NRXN1: variants seen among roughly 807,000 people sequenced by gnomAD.
NRXN1 encodes neurexin 1, also known as neurexin-1.
NRXN1 carries 39 observed loss-of-function variants against 150.9 expected under a neutral mutation model. The ratio of observed to expected loss-of-function variants is 0.26; its 90% CI spans 0.20 to 0.34. The LOEUF is 0.34. NRXN1 is among the 10% of genes least tolerant of loss of function. The pLI, the probability that NRXN1 is intolerant of heterozygous loss-of-function variation, is 1.00. For synonymous variants in NRXN1, 924 were observed against 757.0 expected (o/e 1.22, Z -3.62); for missense variants, 1,815 against 1,949.9 (o/e 0.93, Z 1.30).
At chr2:50,261,079 T>A (rs2068221864) in intron 17 of NRXN1, among the ~76,000 whole-genome samples, 1 of 151,754 alleles carries the variant, frequency 6.6e-6, no homozygotes, top group Non-Finnish European at 1.5e-5. Flanking sequence ...TGATTTCAGA[T>A]CATGTAGAGA....
rs149472024 is a variant in NRXN1, at chr2:50,231,047, C to T, written c.3546+5742G>A. Among the ~76,000 whole-genome samples, 924 of 151,856 alleles carry T rather than the reference C, an allele frequency of 6.1e-3. 5 individuals are homozygous for T. Among genetic ancestry groups the T allele is most frequent in the Non-Finnish European group, 7.9e-3 (534 of 67,928 alleles). Reference sequence around the variant, plus strand: ...GAATTAGGAAAGCTACCTCGTGATACGGCAATAGAAAAAATAAATAAATGA... The same window carrying T: ...GAATTAGGAAAGCTACCTCGTGATATGGCAATAGAAAAAATAAATAAATGA... On this transcript the variant is annotated intron_variant, in intron 18 of 22. Coordinates refer to ENST00000401669, the MANE Select transcript of NRXN1 (RefSeq NM_001330078.2).
intron 18 of NRXN1, among the ~76,000 whole-genome samples, chr2:50,142,854 A>G (rs890711431): frequency 2.0e-5 from 3 of 151,868 alleles, no homozygotes; most frequent in East Asian, 3.9e-4. Context: ...AAAAGCAAGA[A>G]GGTGAGAATA....
At chr2:50,984,990 C>G (rs1244368574) in intron 2 of NRXN1, among the ~76,000 whole-genome samples, 1 of 152,018 alleles carries the variant, frequency 6.6e-6, no homozygotes. Flanking sequence ...ATTGCAGATT[C>G]AACATTTGTT....
chr2:50,671,108 C>G (rs904200584), intron 5 of NRXN1, among the ~76,000 whole-genome samples: 5 of 151,882 alleles, frequency 3.3e-5, no homozygotes, highest in African/African-American at 1.2e-4. Context: ...AAATGTGTAA[C>G]TTACATAAAT....
intron 17 of NRXN1, among the ~76,000 whole-genome samples, chr2:50,311,925 G>T (rs2075217683): frequency 6.6e-6 from 1 of 152,022 alleles, no homozygotes; most frequent in African/African-American, 2.4e-5. Context: ...TCATATTGAG[G>T]AATTAAGTCA....
chr2:50,507,636 C>A (rs1216906683), intron 12 of NRXN1, among the ~76,000 whole-genome samples: 445 of 107,380 alleles, frequency 4.1e-3, no homozygotes, highest in East Asian at 0.018. Context: ...TCCGTCACCT[C>A]AAAAAAAAAA....
At position 50,908,097 on chromosome 2, in the gene NRXN1, C is replaced by A. The variant is rs368411381; in HGVS notation, c.832+13772G>T. Among the ~76,000 whole-genome samples the A allele has an allele frequency of 4.8e-4, 73 of 152,062 alleles. 2 individuals are homozygous for A. In the South Asian group the frequency reaches 0.012, roughly 24 times the overall value. On this transcript the variant is annotated intron_variant, in intron 5 of 22. Transcript: ENST00000401669. ...CTATAAATCCCTCTAGAACAAATAC[C>A]AAGCCTTATTTATGTTTGTATTCAC...
At chr2:50,083,265 T>G (rs897621987) in intron 19 of NRXN1, among the ~76,000 whole-genome samples, 3 of 152,270 alleles carry the variant, frequency 2.0e-5, no homozygotes, top group African/African-American at 4.8e-5. Context: ...TTAAGCCTAG[T>G]TGATATAATA....
chr2:50,847,294 C>G (rs751216769), intron 5 of NRXN1, among the ~76,000 whole-genome samples: 7 of 152,096 alleles, frequency 4.6e-5, no homozygotes, highest in Non-Finnish European at 8.8e-5. Flanking sequence ...GTGACCAGAA[C>G]CCCATCACCT....
intron 5 of NRXN1, among the ~76,000 whole-genome samples, chr2:50,861,079 T>C (rs886847036): frequency 4.6e-5 from 7 of 152,082 alleles, no homozygotes; most frequent in Non-Finnish European, 1.0e-4. Context: ...TGGTTGGTCA[T>C]TGTTTACAGT....
chr2:50,423,950 C>G (rs115325840), intron 17 of NRXN1, among the ~76,000 whole-genome samples: 1,640 of 152,112 alleles, frequency 0.011, 24 homozygotes, highest in African/African-American at 0.038. Context: ...CTCCTTTGCC[C>G]ACTTCCAGAA....
At position 50,988,259 on chromosome 2, in the gene NRXN1, T is replaced by A. The variant is rs185258369; in HGVS notation, c.772+39243A>T. Among the ~76,000 whole-genome samples, 110 of 152,096 alleles carry A rather than the reference T, an allele frequency of 7.2e-4. 1 individual carries two copies. The highest frequency in any genetic ancestry group is 2.6e-3 in the African/African-American group (106 of 41,554). On this transcript the variant is annotated intron_variant, in intron 2 of 22. Coordinates refer to ENST00000401669, the MANE Select transcript of NRXN1 (RefSeq NM_001330078.2). ...GGCATAAACCAGATCATTTTCTTTT[T>A]AAGGTCTTAGTCATTATTTATTAAC...
At chr2:50,182,215 G>T (rs931115632) in intron 18 of NRXN1, among the ~76,000 whole-genome samples, 3 of 150,156 alleles carry the variant, frequency 2.0e-5, no homozygotes, top group Non-Finnish European at 4.4e-5. Context: ...CTAGAATATG[G>T]TAGACTCTCA....
At chr2:50,532,882 A>G (rs893995813) in intron 10 of NRXN1, among the ~76,000 whole-genome samples, 1 of 152,136 alleles carries the variant, frequency 6.6e-6, no homozygotes, top group Non-Finnish European at 1.5e-5. Flanking sequence ...TTGCTTTCTC[A>G]TTGGTTCCGA....
chr2:50,167,563 A>C (rs575871467), intron 18 of NRXN1, among the ~76,000 whole-genome samples: 17 of 152,230 alleles, frequency 1.1e-4, no homozygotes, highest in Admixed American at 3.3e-4. Flanking sequence ...TAAAAAAAAA[A>C]AACAACCTGA....
chr2:50,748,726 C>A (rs1040190184), intron 5 of NRXN1, among the ~76,000 whole-genome samples: 1 of 152,058 alleles, frequency 6.6e-6, no homozygotes, highest in Non-Finnish European at 1.5e-5. Flanking sequence ...ATGCTTAAAA[C>A]TGGAGTCCCA....
intron 5 of NRXN1, among the ~76,000 whole-genome samples, chr2:50,765,795 T>G (rs1193538027): frequency 6.6e-6 from 1 of 152,048 alleles, no homozygotes; most frequent in African/African-American, 2.4e-5. Context: ...TGAGTCAGCA[T>G]TTTTTGAAGC....
chr2:50,892,328 C>T (rs1681191661), intron 5 of NRXN1, among the ~76,000 whole-genome samples: 1 of 152,106 alleles, frequency 6.6e-6, no homozygotes, highest in Admixed American at 6.6e-5. Flanking sequence ...AGTTGTGATG[C>T]TTCCTTTATC....
chr2:50,089,064 A>G (rs1699196427), intron 19 of NRXN1, among the ~76,000 whole-genome samples: 1 of 152,234 alleles, frequency 6.6e-6, no homozygotes, highest in Non-Finnish European at 1.5e-5. Context: ...ATATTAATAA[A>G]GTCCAAGTAT....
Sources: allele counts gnomAD v4.1 joint callset (sites outside exome capture counted in the v4.1 genomes callset), GRCh38; gene constraint gnomAD v4.1.1; transcripts MANE v1.5; gene names NCBI Gene and HGNC (gene_info 2026-07-23, HGNC 2026-07-21).